Variants in STK40 observed in about 807,000 individuals in gnomAD.
STK40 encodes the protein serine/threonine-protein kinase 40.
In STK40, 13 loss-of-function variants were observed where a neutral mutation model predicts 47.9. The ratio of observed to expected loss-of-function variants is 0.27; its 90% CI spans 0.18 to 0.43. The LOEUF is 0.43. Ranked by LOEUF, STK40 falls within the 20% of genes least tolerant of loss-of-function variation. The pLI is 1.00. For synonymous variants in STK40, 225 were observed against 243.2 expected, an observed-to-expected ratio of 0.93 and a Z score of 0.69; for missense variants, 460 against 595.1, an observed-to-expected ratio of 0.77 and a Z score of 2.36.
intron 4 of STK40, among the ~76,000 whole-genome samples, chr1:36,356,167 G>T (rs962527829): frequency 3.3e-5 from 5 of 152,146 alleles, no homozygotes; most frequent in African/African-American, 9.7e-5. Context: ...GACAATCCAT[G>T]TCCTGTGCTT....
chr1:36,343,827 G>A (rs1345472645), intron 9 of STK40, 33 bp downstream of exon 9: 2 of 1,549,188 alleles, frequency 1.3e-6, no homozygotes, highest in Non-Finnish European at 8.8e-7. Flanking sequence ...TGAGGACGCA[G>A]CCTTGTGCCC....
Sources: gnomAD v4.1 joint callset for allele counts (sites outside exome capture counted in the v4.1 genomes callset) on GRCh38, gnomAD v4.1.1 for gene constraint, MANE v1.5 for transcripts, NCBI Gene and HGNC (gene_info 2026-07-23, HGNC 2026-07-21) for gene names.